The following NALF1 variants were observed in gnomAD, a reference collection of about 807,000 sequenced individuals.
NALF1 encodes the protein NALCN channel auxiliary factor 1, also known as family with sequence similarity 155 member A.
A neutral mutation model predicts 48.4 loss-of-function variants in NALF1; 3 were observed. That is an observed-to-expected ratio of 0.06 (90% CI 0.03 to 0.16). The LOEUF is 0.16. Ranked by LOEUF, NALF1 falls within the 10% of genes least tolerant of loss-of-function variation. NALF1 has a pLI of 1.00. For missense variants in NALF1, 526 were observed against 571.5 expected (o/e 0.92, Z 0.81); for synonymous variants, 262 against 245.7 (o/e 1.07, Z -0.62).
chr13:107,372,396 G>T lies in NALF1; in HGVS notation c.916-161641C>A, dbSNP rs1594141936. On this transcript the variant is annotated intron_variant, in intron 1 of 2. Transcript: ENST00000375915. ...GACATGCCAGCCATGAATATTGCAG[G>T]CACAGAGAAATATAAATTATAATTT... is the stretch of plus-strand genomic sequence containing the variant. 2.0e-5 allele frequency among the ~76,000 whole-genome samples: 3 copies of T among 152,166 alleles called. No individual in the cohort carries two copies. The South Asian group carries it at 6.2e-4, about 31-fold the overall frequency.
chr13:107,594,056 G>A (rs978429459), intron 1 of NALF1, among the ~76,000 whole-genome samples: 2 of 151,766 alleles, frequency 1.3e-5, no homozygotes, highest in African/African-American at 2.4e-5. Flanking sequence ...TCTAGATAAC[G>A]ATCCATTCAT....
chr13:107,576,372 T>C (rs974792128), intron 1 of NALF1, among the ~76,000 whole-genome samples: 4 of 152,238 alleles, frequency 2.6e-5, no homozygotes, highest in African/African-American at 9.6e-5. Context: ...TTTGTTTATT[T>C]GCTCATTTGT....
chr13:107,835,130 G>A (rs1046682492), intron 1 of NALF1, among the ~76,000 whole-genome samples: 3 of 152,190 alleles, frequency 2.0e-5, no homozygotes, highest in African/African-American at 7.2e-5. Context: ...TTTTGATGTA[G>A]CACGATATTT....
Position 107,259,264 on chromosome 13 carries a change from T to C in NALF1, c.916-48509A>G, listed in dbSNP as rs184353664. 2.0e-3 allele frequency among the ~76,000 whole-genome samples: 299 copies of C among 152,272 alleles called. 1 individual carries two copies. Among genetic ancestry groups the C allele is most frequent in the Non-Finnish European group, 3.8e-3 (260 of 68,024 alleles). ...AGCAGAGTGTCTTACAAGTAACGGA[T>C]CTTCAATAACTATTTTCTATAACTT... On this transcript the variant is annotated intron_variant, in intron 1 of 2. Coordinates refer to ENST00000375915, the MANE Select transcript of NALF1 (RefSeq NM_001080396.3).
chr13:107,716,759 T>C (rs949374523), intron 1 of NALF1, among the ~76,000 whole-genome samples: 5 of 152,154 alleles, frequency 3.3e-5, no homozygotes, highest in Admixed American at 6.5e-5. Flanking sequence ...CTGGAGAGTG[T>C]CATAAATGTT....
intron 1 of NALF1, among the ~76,000 whole-genome samples, chr13:107,818,837 A>C (rs903552517): frequency 2.0e-4 from 24 of 123,042 alleles, no homozygotes; most frequent in Non-Finnish European, 3.1e-4. Flanking sequence ...GCGCCACTGC[A>C]CTCCAGCCTG....
At chr13:107,242,089 TCTA>T (rs1407239002) in intron 1 of NALF1, among the ~76,000 whole-genome samples, 1 of 152,234 alleles carries the variant, frequency 6.6e-6, no homozygotes, top group Non-Finnish European at 1.5e-5. Context: ...TTCACTGCCC[TCTA>T]CTTTTTAAAT....
chr13:107,630,156 T>C (rs1354783358), intron 1 of NALF1, among the ~76,000 whole-genome samples: 1 of 145,258 alleles, frequency 6.9e-6, no homozygotes, highest in Non-Finnish European at 1.5e-5. Context: ...CAAGGTCTGA[T>C]TTTTCATAAA....
chr13:107,558,348 GTTCTT>G (rs1363714570), intron 1 of NALF1, among the ~76,000 whole-genome samples: 5 of 151,368 alleles, frequency 3.3e-5, no homozygotes, highest in South Asian at 2.1e-4. Flanking sequence ...GCTCTTCTTT[GTTCTT>G]TTCAATAGCA....
At chr13:107,801,329 T>A (rs566175956) in intron 1 of NALF1, among the ~76,000 whole-genome samples, 11 of 152,316 alleles carry the variant, frequency 7.2e-5, no homozygotes, top group African/African-American at 2.6e-4. Context: ...ATCGCCCAGA[T>A]ATTTTAGGAC....
At chr13:107,793,022 T>C (rs1453750591) in intron 1 of NALF1, among the ~76,000 whole-genome samples, 1 of 152,192 alleles carries the variant, frequency 6.6e-6, no homozygotes, top group Non-Finnish European at 1.5e-5. Context: ...ATAATATTTA[T>C]GGACATCAGT....
At chr13:107,286,639 G>A (rs1362119364) in intron 1 of NALF1, among the ~76,000 whole-genome samples, 1 of 149,130 alleles carries the variant, frequency 6.7e-6, no homozygotes, top group East Asian at 2.0e-4. Flanking sequence ...GCTGGAAATA[G>A]CCCAAGTGCC....
At chr13:107,781,697 T>C (rs1877893498) in intron 1 of NALF1, among the ~76,000 whole-genome samples, 1 of 151,874 alleles carries the variant, frequency 6.6e-6, no homozygotes, top group Non-Finnish European at 1.5e-5. Flanking sequence ...TTTGCACTGC[T>C]TCATTTGGTG....
intron 1 of NALF1, among the ~76,000 whole-genome samples, chr13:107,358,910 G>T (rs1883010901): frequency 6.6e-6 from 1 of 152,186 alleles, no homozygotes; most frequent in Middle Eastern, 3.4e-3. Flanking sequence ...AACCACAAAA[G>T]CGTATTCTGA....
rs968679144 is a variant in NALF1, at chr13:107,676,551, G to A, written c.915+189131C>T. Among the ~76,000 whole-genome samples the A allele has an allele frequency of 1.0e-4, 15 of 150,074 alleles. 1 individual carries two copies. The highest frequency in any genetic ancestry group is 2.6e-4 in the Admixed American group (4 of 15,152). ...TAGCCCTTTGTCATACAGACAAAACGTTGTTATCACAGCATTTTATGTGAT... is the reference window on the plus strand; with the variant it reads ...TAGCCCTTTGTCATACAGACAAAACATTGTTATCACAGCATTTTATGTGAT... On this transcript the variant is annotated intron_variant, in intron 1 of 2. Transcript: ENST00000375915.
intron 1 of NALF1, among the ~76,000 whole-genome samples, chr13:107,799,524 C>T (rs1878536952): frequency 6.6e-6 from 1 of 152,180 alleles, no homozygotes; most frequent in African/African-American, 2.4e-5. Flanking sequence ...TCCCCCCAAA[C>T]ACCACCATCA....
intron 1 of NALF1, among the ~76,000 whole-genome samples, chr13:107,761,080 C>A (rs1566471904): frequency 6.6e-6 from 1 of 152,078 alleles, no homozygotes; most frequent in Admixed American, 6.5e-5. Flanking sequence ...CGGCCAGGCG[C>A]GGTGGCTGAA....
chr13:107,187,097 G>A (rs1024072015), intron 2 of NALF1, among the ~76,000 whole-genome samples: 5 of 152,092 alleles, frequency 3.3e-5, no homozygotes, highest in Admixed American at 1.3e-4. Flanking sequence ...CTCTTCTTCT[G>A]TCTCGTCTCT....
intron 1 of NALF1, among the ~76,000 whole-genome samples, chr13:107,424,865 T>C (rs762908714): frequency 2.6e-5 from 4 of 152,240 alleles, no homozygotes; most frequent in Admixed American, 1.3e-4. Context: ...CATGCAACTT[T>C]GGTATTCTAG....
Sources: gnomAD v4.1 joint callset for allele counts (sites outside exome capture counted in the v4.1 genomes callset) on GRCh38, gnomAD v4.1.1 for gene constraint, MANE v1.5 for transcripts, NCBI Gene and HGNC (gene_info 2026-07-23, HGNC 2026-07-21) for gene names.